LRP1B: variants seen among roughly 807,000 people sequenced by gnomAD.
LRP1B encodes low-density lipoprotein receptor-related protein 1B.
A neutral mutation model predicts 556.6 loss-of-function variants in LRP1B; 217 were observed. The observed-to-expected ratio is 0.39, with a 90% CI of 0.35 to 0.44. The LOEUF (loss-of-function observed/expected upper bound fraction) is 0.44, where lower values mean the gene tolerates loss of function less well. LRP1B is among the 20% of genes least tolerant of loss of function. LRP1B has a pLI of 1.00. For synonymous variants in LRP1B, 2,047 were observed against 1,865.8 expected (o/e 1.10, Z -2.50); for missense variants, 5,053 against 5,620.8 (o/e 0.90, Z 3.23).
chr2:141,312,552 C>G (rs1034071872), intron 3 of LRP1B, among the ~76,000 whole-genome samples: 1 of 151,968 alleles, frequency 6.6e-6, no homozygotes, highest in Non-Finnish European at 1.5e-5. Flanking sequence ...AAAAGGTCAA[C>G]GGTACTTAAG....
intron 7 of LRP1B, among the ~76,000 whole-genome samples, chr2:141,176,587 T>C (rs113763604): frequency 1.1e-4 from 17 of 151,918 alleles, no homozygotes; most frequent in Admixed American, 2.6e-4. Flanking sequence ...TTAAACCTCT[T>C]TTCTTCATAA....
At chr2:141,500,107 G>A (rs568936752) in intron 2 of LRP1B, among the ~76,000 whole-genome samples, 2 of 152,184 alleles carry the variant, frequency 1.3e-5, no homozygotes, top group South Asian at 4.1e-4. Context: ...GGAAGAGGGG[G>A]ATGTCTTACT....
chr2:141,986,206 A>G (rs970981656), intron 1 of LRP1B, among the ~76,000 whole-genome samples: 3 of 152,114 alleles, frequency 2.0e-5, no homozygotes, highest in Middle Eastern at 3.4e-3. Flanking sequence ...TACAATATGA[A>G]TATACTTACG....
At chr2:142,111,127 A>G (rs1026871435) in intron 1 of LRP1B, among the ~76,000 whole-genome samples, 8 of 152,126 alleles carry the variant, frequency 5.3e-5, no homozygotes, top group Admixed American at 4.6e-4. Context: ...TGTGGGCAAA[A>G]CTGGAGATCC....
chr2:141,618,988 T>G (rs1403521739), intron 2 of LRP1B, among the ~76,000 whole-genome samples: 1 of 152,166 alleles, frequency 6.6e-6, no homozygotes, highest in Non-Finnish European at 1.5e-5. Context: ...AAGTAAAACT[T>G]TATAGGGAAG....
chr2:140,972,892 GAAATAA>G (rs1346513531), intron 18 of LRP1B, among the ~76,000 whole-genome samples: 1 of 149,654 alleles, frequency 6.7e-6, no homozygotes, highest in Non-Finnish European at 1.5e-5. Flanking sequence ...GGTCATAAAT[GAAATAA>G]AAATATAGTA....
chr2:141,003,127 G>T (rs1357967), intron 15 of LRP1B, among the ~76,000 whole-genome samples: 82,769 of 151,678 alleles, frequency 0.55, 23,038 homozygotes, highest in Admixed American at 0.6. Flanking sequence ...CACATAAAAG[G>T]TCATAAATGG....
At chr2:140,682,318 G>A (rs1407687991) in intron 41 of LRP1B, among the ~76,000 whole-genome samples, 4 of 152,170 alleles carry the variant, frequency 2.6e-5, no homozygotes, top group African/African-American at 9.7e-5. Context: ...CTGCTGCTAA[G>A]ATTTTCTCTC....
chr2:140,297,072 C>G (rs887194971), intron 84 of LRP1B, among the ~76,000 whole-genome samples: 1 of 151,856 alleles, frequency 6.6e-6, no homozygotes, highest in African/African-American at 2.4e-5. Flanking sequence ...TCATAAGTAG[C>G]CAAGAGGGAG....
At chr2:141,464,128 C>T (rs1156337755) in intron 3 of LRP1B, among the ~76,000 whole-genome samples, 1 of 151,858 alleles carries the variant, frequency 6.6e-6, no homozygotes, top group Non-Finnish European at 1.5e-5. Context: ...ACATCATTAG[C>T]CTCATCCCAA....
intron 41 of LRP1B, among the ~76,000 whole-genome samples, chr2:140,619,874 AC>A (rs1683390452): frequency 6.6e-6 from 1 of 152,166 alleles, no homozygotes; most frequent in African/African-American, 2.4e-5. Context: ...GATACTTATG[AC>A]CAAAAAAGTG....
intron 1 of LRP1B, among the ~76,000 whole-genome samples, chr2:142,039,451 T>G (rs1426227811): frequency 1.0e-5 from 1 of 100,180 alleles, no homozygotes; most frequent in Non-Finnish European, 2.0e-5. Context: ...CTGGAAACAG[T>G]ATTTAGAATG....
At chr2:141,626,267 T>C (rs913741586) in intron 2 of LRP1B, among the ~76,000 whole-genome samples, 1 of 152,274 alleles carries the variant, frequency 6.6e-6, no homozygotes, top group Non-Finnish European at 1.5e-5. Context: ...TATGTTAAAA[T>C]ATAAATCTAG....
chr2:140,731,817 A>C (rs1246404352), intron 35 of LRP1B, among the ~76,000 whole-genome samples: 1 of 151,684 alleles, frequency 6.6e-6, no homozygotes, highest in Non-Finnish European at 1.5e-5. Flanking sequence ...GCATTTATTA[A>C]ACTATGTATT....
intron 2 of LRP1B, among the ~76,000 whole-genome samples, chr2:141,750,694 T>C (rs1480420921): frequency 6.6e-6 from 1 of 152,122 alleles, no homozygotes; most frequent in Admixed American, 6.6e-5. Context: ...AGTTTTTTTA[T>C]TGAAACAGTG....
intron 1 of LRP1B, among the ~76,000 whole-genome samples, chr2:141,906,459 G>T (rs540545412): frequency 6.6e-6 from 1 of 151,960 alleles, no homozygotes; most frequent in African/African-American, 2.4e-5. Context: ...TTGATAACCT[G>T]GTGTCAGTGA....
chr2:140,796,576 A>G (rs1487909429), intron 32 of LRP1B, among the ~76,000 whole-genome samples: 4 of 152,096 alleles, frequency 2.6e-5, no homozygotes, highest in Non-Finnish European at 5.9e-5. Flanking sequence ...TTGCCTGGAT[A>G]TACTTCATAT....
At chr2:140,304,656 T>G (rs1424769514) in intron 83 of LRP1B, among the ~76,000 whole-genome samples, 4 of 152,190 alleles carry the variant, frequency 2.6e-5, no homozygotes, top group Non-Finnish European at 2.9e-5. Context: ...GCTCTTGAGT[T>G]TAGTTAGATC....
At chr2:140,724,466 A>T (rs61424594) in intron 35 of LRP1B, among the ~76,000 whole-genome samples, 3,256 of 152,244 alleles carry the variant, frequency 0.021, 98 homozygotes, top group African/African-American at 0.072. Flanking sequence ...ATTTTATTGG[A>T]TCTATTAAAC....
Sources: allele counts gnomAD v4.1 joint callset (sites outside exome capture counted in the v4.1 genomes callset), GRCh38; gene constraint gnomAD v4.1.1; transcripts MANE v1.5; gene names NCBI Gene and HGNC (gene_info 2026-07-23, HGNC 2026-07-21).